The following PTN variants were observed in gnomAD, a reference collection of about 807,000 sequenced individuals.
The protein encoded by PTN is heparin affin regulatory protein.
Under a neutral mutation model 24.1 loss-of-function variants are expected in PTN, and 18 were observed. The ratio of observed to expected loss-of-function variants is 0.75; its 90% CI spans 0.52 to 1.11. The LOEUF (loss-of-function observed/expected upper bound fraction) is 1.11, where lower values mean the gene tolerates loss of function less well. PTN is among the 50% of genes least tolerant of loss of function. The probability of loss-of-function intolerance (pLI) is 0.00; values close to 1 mark genes in which losing one functional copy is unlikely to be tolerated. For synonymous variants in PTN, 78 were observed against 68.6 expected (o/e 1.14, Z -0.67); for missense variants, 163 against 198.8 (o/e 0.82, Z 1.08).
chr7:137,229,508 T>C lies in PTN; in HGVS notation c.452-1433A>G, dbSNP rs73727895. ...TTTCCATTTCTATATACTATCTTCA[T>C]GACCTCTTCAAGTAGGTTCCAAAGT... On this transcript the variant is annotated intron_variant, in intron 4 of 4. Transcript: ENST00000348225. Among the ~76,000 whole-genome samples, 424 of 151,940 alleles carry C rather than the reference T, an allele frequency of 2.8e-3. 3 individuals are homozygous for C. The highest frequency in any genetic ancestry group is 1.0e-2 in the African/African-American group (415 of 41,514).
In PTN at chr7:137,309,628, T is replaced by A. The variant is rs541015059; in HGVS notation, c.-2+33811A>T. Among the ~76,000 whole-genome samples, 3 of 152,280 alleles carry A rather than the reference T, an allele frequency of 2.0e-5. No homozygotes were observed. In the East Asian group the frequency reaches 5.8e-4, roughly 29 times the overall value. ...AATATTCTAAATACTTTGTTGTCAT[T>A]TCAACAATGCTCACATCTCCACCAA... On this transcript the variant is annotated intron_variant, in intron 1 of 4. Transcript: ENST00000348225.
intron 4 of PTN, among the ~76,000 whole-genome samples, chr7:137,246,406 G>A (rs546859952): frequency 1.1e-4 from 17 of 152,256 alleles, no homozygotes; most frequent in African/African-American, 2.6e-4. Flanking sequence ...ACACGAGAAT[G>A]AAATCACCTA....
intron 1 of PTN, among the ~76,000 whole-genome samples, chr7:137,290,996 G>T (rs1363756348): frequency 2.6e-5 from 4 of 152,210 alleles, no homozygotes; most frequent in Admixed American, 6.5e-5. Context: ...TTGAACTATG[G>T]TTTCAAAATG....
intron 1 of PTN, among the ~76,000 whole-genome samples, chr7:137,306,575 A>G (rs1195432761): frequency 1.3e-5 from 2 of 152,116 alleles, no homozygotes; most frequent in Non-Finnish European, 2.9e-5. Flanking sequence ...CTTTGAAAAA[A>G]TGCCAAAGCC....
intron 1 of PTN, among the ~76,000 whole-genome samples, chr7:137,258,943 C>T (rs891846786): frequency 1.3e-5 from 2 of 151,920 alleles, no homozygotes; most frequent in African/African-American, 4.8e-5. Context: ...GAGAATAAAG[C>T]CTTACTAAAT....
At chr7:137,304,833 G>A (rs932211664) in intron 1 of PTN, among the ~76,000 whole-genome samples, 2 of 152,132 alleles carry the variant, frequency 1.3e-5, no homozygotes, top group East Asian at 1.9e-4. Context: ...TCCTGGTGGC[G>A]CTGTTTGGGA....
chr7:137,297,454 A>T (rs1166545735), intron 1 of PTN, among the ~76,000 whole-genome samples: 1 of 152,088 alleles, frequency 6.6e-6, no homozygotes, highest in African/African-American at 2.4e-5. Flanking sequence ...GCATTATTTA[A>T]AATTGCATGA....
At chr7:137,243,566 C>T (rs1808670264) in intron 4 of PTN, among the ~76,000 whole-genome samples, 1 of 152,166 alleles carries the variant, frequency 6.6e-6, no homozygotes, top group African/African-American at 2.4e-5. Flanking sequence ...TGAAGCTTCC[C>T]TTCTTGTGTT....
At chr7:137,274,033 G>GCA (rs10555048) in intron 1 of PTN, among the ~76,000 whole-genome samples, 375 of 150,054 alleles carry the variant, frequency 2.5e-3, no homozygotes, top group African/African-American at 6.2e-3. Context: ...TTTCAGAAGC[G>GCA]CACACACACA....
intron 1 of PTN, among the ~76,000 whole-genome samples, chr7:137,269,735 C>A (rs367997398): frequency 6.9e-6 from 1 of 145,896 alleles, no homozygotes; most frequent in Admixed American, 7.1e-5. Flanking sequence ...TGGGTTCAAG[C>A]GATTCTCCTG....
At chr7:137,333,435 T>A (rs1198338838) in intron 1 of PTN, among the ~76,000 whole-genome samples, 1 of 152,212 alleles carries the variant, frequency 6.6e-6, no homozygotes, top group Non-Finnish European at 1.5e-5. Context: ...TACCACAATA[T>A]GTTCCTTATT....
At chr7:137,307,430 A>C (rs1209834354) in intron 1 of PTN, among the ~76,000 whole-genome samples, 2 of 152,154 alleles carry the variant, frequency 1.3e-5, no homozygotes, top group Non-Finnish European at 2.9e-5. Flanking sequence ...TTTTTTAATG[A>C]AAAGGCCACC....
At chr7:137,231,268 T>C (rs1808422334) in intron 4 of PTN, among the ~76,000 whole-genome samples, 1 of 151,966 alleles carries the variant, frequency 6.6e-6, no homozygotes, top group African/African-American at 2.4e-5. Flanking sequence ...CCCATCTTCC[T>C]TATGACGGTT....
intron 1 of PTN, among the ~76,000 whole-genome samples, chr7:137,280,696 ATAC>A (rs1350660885): frequency 7.9e-4 from 70 of 88,852 alleles, no homozygotes; most frequent in Non-Finnish European, 1.2e-3. Context: ...TCTACTAAAA[ATAC>A]AAAAAAAAAA....
intron 1 of PTN, among the ~76,000 whole-genome samples, chr7:137,309,105 A>G (rs780398439): frequency 3.9e-4 from 59 of 152,278 alleles, no homozygotes; most frequent in South Asian, 2.1e-3. Context: ...GTACGGCCAT[A>G]CCTTGGAGAT....
rs117769054 is a variant in PTN at position 137,236,380 on chromosome 7, A to T, written c.452-8305T>A. On this transcript the variant is annotated intron_variant, in intron 4 of 4. Coordinates refer to ENST00000348225, the MANE Select transcript of PTN (RefSeq NM_002825.7). ...CGTGTTGGGATCAGTCCCTGATCTG[A>T]CCCATACATACATGTATACCAAGTA... 8.6e-3 allele frequency: 5,538 copies of T among 644,718 alleles called. 166 individuals are homozygous for T. The highest frequency in any genetic ancestry group is 0.076 in the East Asian group (2,793 of 36,844). 39.9% of individuals were successfully genotyped at this position (644,718 alleles called of 1,614,324 possible).
Position 137,340,706 on chromosome 7 carries a change from A to T in PTN, c.-2+2733T>A, listed in dbSNP as rs558656342. 2.0e-5 allele frequency among the ~76,000 whole-genome samples: 3 copies of T among 152,340 alleles called. No homozygotes were observed. The East Asian group carries it at 5.8e-4, about 29-fold the overall frequency. ...AGAGCTAAAAACATTCCTCACCCTT[A>T]TGGAGAAGCCCAACTCAACATCACT... On this transcript the variant is annotated intron_variant, in intron 1 of 4. Transcript: ENST00000348225.
rs572693713 is a variant in PTN, at chr7:137,332,985, C to A, written c.-2+10454G>T. On this transcript the variant is annotated intron_variant, in intron 1 of 4. Transcript: ENST00000348225. ...AGTTTGGATGTTTGTCCCCACCAAA[C>A]CTTATGTTGAAATTTGATTTCCCAG... Among the ~76,000 whole-genome samples, 5 of 152,242 alleles carry A rather than the reference C, an allele frequency of 3.3e-5. No individual in the cohort carries two copies. The East Asian group carries it at 9.6e-4, about 29-fold the overall frequency.
chr7:137,246,589 A>G (rs1808726929), intron 4 of PTN, among the ~76,000 whole-genome samples: 1 of 152,194 alleles, frequency 6.6e-6, no homozygotes, highest in Admixed American at 6.5e-5. Context: ...AAATGACATC[A>G]AAAGAGAACA....
Sources: gnomAD v4.1 joint callset for allele counts (sites outside exome capture counted in the v4.1 genomes callset) on GRCh38, gnomAD v4.1.1 for gene constraint, MANE v1.5 for transcripts, NCBI Gene and HGNC (gene_info 2026-07-23, HGNC 2026-07-21) for gene names.